The following SRRD variants were observed in gnomAD, a reference collection of about 807,000 sequenced individuals.
SRRD encodes SRR1 domain containing, also known as SRR1-like protein.
Under a neutral mutation model 30.7 loss-of-function variants are expected in SRRD, and 28 were observed. The observed-to-expected ratio is 0.91, with a 90% CI of 0.68 to 1.25. The LOEUF is 1.25. Ranked by LOEUF, SRRD falls within the 50% of genes most tolerant of loss-of-function variation. The probability of loss-of-function intolerance (pLI) is 0.00; values close to 1 mark genes in which losing one functional copy is unlikely to be tolerated. For synonymous variants in SRRD, 161 were observed against 159.6 expected, an observed-to-expected ratio of 1.01 and a Z score of -0.07; for missense variants, 415 against 417.3, an observed-to-expected ratio of 0.99 and a Z score of 0.05.
rs565807758 is a variant in SRRD at position 26,494,308 on chromosome 22, C to A, written c.*2636C>A. On this transcript the variant is annotated 3_prime_UTR_variant, in exon 7 of 7. Coordinates refer to ENST00000215917, the MANE Select transcript of SRRD (RefSeq NM_001013694.3). ...TACTGAGCCAAGAGCACAGCACCTG[C>A]CAAAAAGAAAAATTACTTGCATCCA... 1 of 1,614,002 alleles carries A rather than the reference C, an allele frequency of 6.2e-7. No individual in the cohort carries two copies. The highest frequency in any genetic ancestry group is 1.1e-5 in the South Asian group (1 of 91,048).
At chr22:26,489,901 A>G in intron 4 of SRRD, 143 bp from the exon 5 acceptor site, 1 of 792,244 alleles carries the variant, frequency 1.3e-6, no homozygotes, top group South Asian at 1.8e-5. Flanking sequence ...TTCATATACG[A>G]GTGTAACTGT....
chr22:26,489,982 CT>C, intron 4 of SRRD, 61 bp from the exon 5 acceptor site: 2 of 1,583,792 alleles, frequency 1.3e-6, no homozygotes, highest in East Asian at 2.2e-5. Flanking sequence ...TTACCTCTCC[CT>C]CACCTTGCTG....
chr22:26,488,044 G>A lies in SRRD; in HGVS notation c.266G>A (p.Cys89Tyr). The change falls in exon 3 of 7, where the codon TGT (cysteine) becomes TAT (tyrosine). Residue 89 changes from cysteine to tyrosine, a missense_variant. Transcript: ENST00000215917. ...GCTCTTTCAGAAACCATCAATAGAT[G>A]TCTCACAAAACATCTGGAACAACTG... ...WSSALETINR[C>Y]LTKHLEQLKA... is the part of the protein sequence containing the mutation. 6.2e-7 allele frequency: 1 copy of A among 1,611,584 alleles called. No individual in the cohort carries two copies. Among genetic ancestry groups the A allele is most frequent in the South Asian group, 1.1e-5 (1 of 90,856 alleles).
chr22:26,488,332 A>G (rs1447229301), intron 3 of SRRD, 44 bp downstream of exon 3: 1 of 1,613,738 alleles, frequency 6.2e-7, no homozygotes, highest in Admixed American at 1.7e-5. Context: ...CTCTGGTCCT[A>G]TACATGGGTG....
At chr22:26,490,256 T>C (rs1050054135) in intron 5 of SRRD, 58 bp downstream of exon 5, 15 of 1,575,922 alleles carry the variant, frequency 9.5e-6, no homozygotes, top group Admixed American at 6.9e-5. Context: ...ATACCTCAGA[T>C]TGACCCACAT....
Position 26,491,889 on chromosome 22 carries a change from G to A in SRRD, c.*217G>A. 9.5e-7 allele frequency: 1 copy of A among 1,056,686 alleles called. No homozygotes were observed. 65.5% of individuals were successfully genotyped at this position (1,056,686 alleles called of 1,614,324 possible). ...TTTTACATCCTTCCCTCATGACCTG[G>A]CCTGATGTGGAGTAGCTCCTGAGTA... is the stretch of plus-strand genomic sequence containing the variant. On this transcript the variant is annotated 3_prime_UTR_variant, in exon 7 of 7. Coordinates refer to ENST00000215917, the MANE Select transcript of SRRD (RefSeq NM_001013694.3).
In SRRD at chr22:26,484,088, C is replaced by T. The variant is rs1334950054; in HGVS notation, c.198C>T (p.Ile66=). The T allele has an allele frequency of 2.7e-6, 4 of 1,508,024 alleles. No homozygotes were observed. Among genetic ancestry groups the T allele is most frequent in the African/African-American group, 1.4e-5 (1 of 69,690 alleles). 93.4% of individuals were successfully genotyped at this position (1,508,024 alleles called of 1,614,324 possible). Residue 66 remains isoleucine, a synonymous_variant, in exon 1 of 7, where the codon ATC becomes ATT. Coordinates refer to ENST00000215917, the MANE Select transcript of SRRD (RefSeq NM_001013694.3). ...ESDSGVVLRR[I]WEAEKDLFIS... is the part of the protein sequence containing the mutation. Reference sequence around the variant, plus strand: ...ACAGCGGAGTCGTGCTTCGTCGCATCTGGGAGGCTGAGTGAGTGCAGGCTC... The same window carrying T: ...ACAGCGGAGTCGTGCTTCGTCGCATTTGGGAGGCTGAGTGAGTGCAGGCTC...
rs749721521 is a variant in SRRD at position 26,484,013 on chromosome 22, C to T, written c.123C>T (p.Pro41=). The T allele has an allele frequency of 2.9e-6, 4 of 1,400,996 alleles. No homozygotes were observed. The highest frequency in any genetic ancestry group is 3.1e-5 in the South Asian group (2 of 65,414). The allele number at this position is 1,400,996 out of a possible 1,614,324, so 86.8% of individuals were successfully genotyped here. A position where few individuals can be genotyped will look rare whatever the true frequency, so the allele number is the denominator to read the frequency against. The change falls in exon 1 of 7, where the codon CCC becomes CCT. Residue 41 remains proline (P), a synonymous_variant. Coordinates refer to ENST00000215917, the MANE Select transcript of SRRD (RefSeq NM_001013694.3). Reference sequence around the variant, plus strand: ...CGCCCCGGGGGAGAGAGGCGGCGCCCCGGGGGAGAGAGGCGGCGCCCCGGG... The same window carrying T: ...CGCCCCGGGGGAGAGAGGCGGCGCCTCGGGGGAGAGAGGCGGCGCCCCGGG... The part of the protein sequence containing the change: ...EAAPRGREAA[P]RGREAAPRGP...
chr22:26,491,528 T>C lies in SRRD; in HGVS notation c.876T>C (p.Asp292=). ...CACAATACATGGACATATTTAATGA[T>C]ACCTCTGTCCACTGGTTCCCTGTGC... ...QTSQYMDIFN[D]TSVHWFPVQK... Residue 292 remains aspartate (D), a synonymous_variant, in exon 7 of 7, where the codon GAT becomes GAC. Coordinates refer to ENST00000215917, the MANE Select transcript of SRRD (RefSeq NM_001013694.3). The C allele has an allele frequency of 6.2e-7, 1 of 1,614,182 alleles. No homozygotes were observed. Among genetic ancestry groups the C allele is most frequent in the Non-Finnish European group, 8.5e-7 (1 of 1,180,008 alleles).
Position 26,493,950 on chromosome 22 carries a change from G to T in SRRD, c.*2278G>T. ...GAAGATGCCCCTCTCAGTCATGGTA[G>T]ACCTGGGCAGTGGGTGCCAGCTGAC... On this transcript the variant is annotated 3_prime_UTR_variant, in exon 7 of 7. Transcript: ENST00000215917. 1 of 594,638 alleles carries T rather than the reference G, an allele frequency of 1.7e-6. No individual in the cohort carries two copies. Among genetic ancestry groups the T allele is most frequent in the Non-Finnish European group, 2.9e-6 (1 of 340,630 alleles). The allele number at this position is 594,638 out of a possible 1,614,324, so 36.8% of individuals were successfully genotyped here.
intron 5 of SRRD, among the ~76,000 whole-genome samples, chr22:26,490,556 T>C (rs1921021004): frequency 7.7e-6 from 1 of 130,180 alleles, no homozygotes; most frequent in Admixed American, 8.7e-5. Context: ...ACTGGAATAT[T>C]TGCTTTTTTT....
At chr22:26,489,871 T>C (rs1920986076) in intron 4 of SRRD, among the ~76,000 whole-genome samples, 173 bp from the exon 5 acceptor site, 1 of 152,198 alleles carries the variant, frequency 6.6e-6, no homozygotes, top group South Asian at 2.1e-4. Flanking sequence ...TCCTGACTCT[T>C]TAGTCCTGTA....
In SRRD at chr22:26,487,999, C is replaced by CT. The variant is rs2091720843; in HGVS notation, c.251-29dup. On this transcript the variant is annotated intron_variant, in intron 2 of 6. Coordinates refer to ENST00000215917, the MANE Select transcript of SRRD (RefSeq NM_001013694.3). ...GGTTCACAGGGTCAGAACATGCCCTCTAACTGCATTTGGGGGCCTGCTCTT... is the reference window on the plus strand; with the variant it reads ...GGTTCACAGGGTCAGAACATGCCCTCTTAACTGCATTTGGGGGCCTGCTCTT... 7 of 1,586,010 alleles carry CT rather than the reference C, an allele frequency of 4.4e-6. No homozygotes were observed. The East Asian group carries it at 1.6e-4, about 36-fold the overall frequency.
chr22:26,488,568 C>A, intron 4 of SRRD, 80 bp downstream of exon 4: 2 of 1,081,776 alleles, frequency 1.8e-6, no homozygotes, highest in Non-Finnish European at 2.9e-6. Flanking sequence ...TGGACACCAG[C>A]ATTCTTTGCA....
intron 6 of SRRD, 138 bp from the exon 7 acceptor site, chr22:26,491,325 G>A (rs1460884682): frequency 1.3e-6 from 1 of 783,208 alleles, no homozygotes; most frequent in Non-Finnish European, 2.1e-6. Flanking sequence ...TTGTGCAAAA[G>A]CATTTAAATC....
chr22:26,488,347 C>G, intron 3 of SRRD, 43 bp from the exon 4 acceptor site: 1 of 1,613,606 alleles, frequency 6.2e-7, no homozygotes. Context: ...TGGGTGCACA[C>G]AGATGTTTGG....
In SRRD at chr22:26,491,879, T is replaced by C; in HGVS notation, c.*207T>C. ...CATTGTCCCATTTTACATCCTTCCC[T>C]CATGACCTGGCCTGATGTGGAGTAG... On this transcript the variant is annotated 3_prime_UTR_variant, in exon 7 of 7. Coordinates refer to ENST00000215917, the MANE Select transcript of SRRD (RefSeq NM_001013694.3). 1 of 1,027,910 alleles carries C rather than the reference T, an allele frequency of 9.7e-7. No individual in the cohort carries two copies. Among genetic ancestry groups the C allele is most frequent in the Non-Finnish European group, 1.4e-6 (1 of 715,544 alleles). 63.7% of individuals were successfully genotyped at this position (1,027,910 alleles called of 1,614,324 possible).
In SRRD at chr22:26,490,113, A is replaced by G. The variant is rs775817185; in HGVS notation, c.679A>G (p.Asn227Asp). The G allele has an allele frequency of 3.1e-6, 5 of 1,614,022 alleles. No individual in the cohort carries two copies. The Admixed American group carries it at 6.7e-5, about 22-fold the overall frequency. ...GCTCCATTGTGGGACGGCCTTGTAC[A>G]ACAATCTTTTATGGAGTAACTGGTC... is the stretch of plus-strand genomic sequence containing the variant. ...YMLHCGTALY[N>D]NLLWSNWSVD... Residue 227 changes from asparagine to aspartate, a missense_variant, in exon 5 of 7, where the codon AAC becomes GAC. Asn to Asp is a conservative substitution (Grantham distance 23). Coordinates refer to ENST00000215917, the MANE Select transcript of SRRD (RefSeq NM_001013694.3).
chr22:26,486,891 C>G (rs943823177), intron 2 of SRRD, among the ~76,000 whole-genome samples: 1 of 128,076 alleles, frequency 7.8e-6, no homozygotes, highest in South Asian at 2.7e-4. Flanking sequence ...GGCTTGGGGT[C>G]TTGTTTAAAG....
Sources: allele counts gnomAD v4.1 joint callset (sites outside exome capture counted in the v4.1 genomes callset), GRCh38; gene constraint gnomAD v4.1.1; transcripts MANE v1.5; gene names NCBI Gene and HGNC (gene_info 2026-07-23, HGNC 2026-07-21).